Variants in DDX3X observed in about 807,000 individuals in gnomAD.
The protein encoded by DDX3X is ATP-dependent RNA helicase DDX3X.
Under a neutral mutation model 52.7 loss-of-function variants are expected in DDX3X, and 4 were observed. The observed-to-expected ratio is 0.08, with a 90% CI of 0.04 to 0.17. The LOEUF (loss-of-function observed/expected upper bound fraction) is 0.17, where lower values mean the gene tolerates loss of function less well. Ranked by LOEUF, DDX3X falls within the 10% of genes least tolerant of loss-of-function variation. DDX3X has a pLI of 1.00. For synonymous variants in DDX3X, 192 were observed against 178.1 expected (o/e 1.08, Z -0.62); for missense variants, 222 against 548.6 (o/e 0.40, Z 5.95).
In DDX3X at chrX:41,342,586, C is replaced by T; in HGVS notation, c.376C>T (p.Arg126Cys). The change falls in exon 5 of 17, where the codon CGC becomes TGC. Residue 126 changes from arginine (R) to cysteine (C), a missense_variant. Arg to Cys is a radical substitution (Grantham distance 180). Coordinates refer to ENST00000644876, the MANE Select transcript of DDX3X (RefSeq NM_001356.5). Reference protein sequence around the residue: ...FGKFERGGNSRWCDKSDEDDW... With the variant: ...FGKFERGGNSCWCDKSDEDDW... ...CAAATTTGAACGTGGTGGAAACAGT[C>T]GCTGGTGTGACAAATCAGATGAAGA... The T allele has an allele frequency of 8.3e-7, 1 of 1,211,704 alleles. No individual in the cohort carries two copies. Among genetic ancestry groups the T allele is most frequent in the Non-Finnish European group, 1.1e-6 (1 of 895,438 alleles).
chrX:41,340,029 C>G (rs2063827449), intron 3 of DDX3X: 1 of 108,959 alleles, frequency 9.2e-6, no homozygotes, highest in Admixed American at 9.8e-5. Context: ...CTGCCTCAGC[C>G]TCCCAAGTAG....
chrX:41,336,943 G>A (rs1413049670), intron 1 of DDX3X, among the ~76,000 whole-genome samples: 1 of 111,819 alleles, frequency 8.9e-6, no homozygotes, highest in East Asian at 2.8e-4. Context: ...ACATTTTTCA[G>A]GTGTGCATTT....
At chrX:41,361,869 C>T (rs936403626) in intron 5 of DDX3X, among the ~76,000 whole-genome samples, 18 of 111,373 alleles carry the variant, frequency 1.6e-4, no homozygotes, top group Non-Finnish European at 2.8e-4. Flanking sequence ...GCAAGAGATA[C>T]TTGTACTTTC....
chrX:41,340,599 GAGA>G (rs1376335866), intron 3 of DDX3X: 1 of 264,115 alleles, frequency 3.8e-6, no homozygotes, highest in East Asian at 5.3e-5. Flanking sequence ...TGTCTATACT[GAGA>G]ATATATAGTG....
At chrX:41,340,487 G>GTTAAACCCTCTACCTGTCT (rs1332915326) in intron 3 of DDX3X, 1 of 176,092 alleles carries the variant, frequency 5.7e-6, no homozygotes, top group Non-Finnish European at 1.1e-5. Flanking sequence ...GCTGAAGCTA[G>GTTAAACCCTCTACCTGTCT]TTAAACCCTC....
intron 2 of DDX3X, chrX:41,338,381 A>T (rs2063801501): frequency 8.9e-6 from 1 of 112,008 alleles, no homozygotes; most frequent in Non-Finnish European, 1.9e-5. Context: ...TTTTAAAAAT[A>T]TTTAATTCAG....
chrX:41,356,926 ATTCT>A (rs1194891344), intron 5 of DDX3X, among the ~76,000 whole-genome samples: 4 of 86,384 alleles, frequency 4.6e-5, no homozygotes, highest in African/African-American at 1.8e-4. Flanking sequence ...TATCACACTA[ATTCT>A]TTTTTTTTTT....
intron 2 of DDX3X, 135 bp downstream of exon 2, chrX:41,337,600 A>G (rs1337255479): frequency 1.9e-5 from 9 of 475,581 alleles, no homozygotes; most frequent in African/African-American, 4.9e-5. Context: ...TTTGTGTTAT[A>G]GAATTATGTA....
In DDX3X at chrX:41,346,899, T is replaced by C; in HGVS notation, c.1656T>C (p.Ile552=). The C allele has an allele frequency of 3.3e-6, 4 of 1,210,506 alleles. No individual in the cohort carries two copies. The highest frequency in any genetic ancestry group is 4.5e-6 in the Non-Finnish European group (4 of 894,576). The change falls in exon 15 of 17, where the codon ATT becomes ATC. Residue 552 remains isoleucine (I), a synonymous_variant. Transcript: ENST00000644876. The part of the protein sequence containing the change: ...TSFFNERNIN[I]TKDLLDLLVE... Reference sequence around the variant, plus strand: ...TCTTTAACGAGAGGAACATAAATATTACTAAGGATTTGTTGGATCTTCTTG... The same window carrying C: ...TCTTTAACGAGAGGAACATAAATATCACTAAGGATTTGTTGGATCTTCTTG...
intron 4 of DDX3X, 107 bp from the exon 5 acceptor site, chrX:41,342,388 C>T: frequency 1.1e-6 from 1 of 901,266 alleles, no homozygotes; most frequent in East Asian, 3.2e-5. Flanking sequence ...TGTTGACATC[C>T]TTATGGTTAG....
downstream of DDX3X, among the ~76,000 whole-genome samples, chrX:41,352,453 A>G (rs1462052914): frequency 1.8e-5 from 2 of 111,241 alleles, no homozygotes; most frequent in Non-Finnish European, 3.8e-5. Context: ...TTTACCTAAC[A>G]GTCAACATTA....
chrX:41,343,451 T>C, intron 7 of DDX3X, 100 bp downstream of exon 7: 1 of 770,102 alleles, frequency 1.3e-6, no homozygotes, highest in Non-Finnish European at 1.8e-6. Context: ...TTGCAGCTGC[T>C]CTGCGCTGCT....
downstream of DDX3X, among the ~76,000 whole-genome samples, chrX:41,352,577 T>A (rs1024710630): frequency 1.6e-4 from 18 of 111,591 alleles, no homozygotes; most frequent in African/African-American, 5.5e-4. Flanking sequence ...ATTTGGTGTC[T>A]GCTTGAGTAT....
chrX:41,337,336 G>C (rs2063785555), intron 1 of DDX3X, 72 bp from the exon 2 acceptor site: 14 of 949,803 alleles, frequency 1.5e-5, no homozygotes, highest in Non-Finnish European at 2.1e-5. Flanking sequence ...GCAAATGCTA[G>C]AGGGCAGGAC....
chrX:41,333,433 TCTCCTCCCCTTCCCTCTGTTCTCTCCTC>T (rs1356393144), upstream of DDX3X: 1 of 89,889 alleles, frequency 1.1e-5, no homozygotes, highest in African/African-American at 4.3e-5. Flanking sequence ...TTTCCCTCCC[TCTCCTCCCCTTCCCTCTGTTCTCTCCTC>T]CTCTTCCCCT....
At chrX:41,338,999 C>G (rs1395228488) in intron 2 of DDX3X, 37 bp from the exon 3 acceptor site, 3 of 660,742 alleles carry the variant, frequency 4.5e-6, no homozygotes, top group Non-Finnish European at 6.1e-6. Flanking sequence ...GGTTTTTTGG[C>G]ATTTAATTAA....
At chrX:41,345,629 G>T in intron 12 of DDX3X, 81 bp downstream of exon 12, 1 of 851,678 alleles carries the variant, frequency 1.2e-6, no homozygotes, top group Non-Finnish European at 1.7e-6. Context: ...GTTATTCACA[G>T]GTGTGATCTC....
rs1467963166 is a variant in DDX3X, at chrX:41,341,384, A to G, written c.152-100A>G. 4.6e-6 allele frequency: 3 copies of G among 652,401 alleles called. No individual in the cohort carries two copies. The African/African-American group carries it at 6.7e-5, about 15-fold the overall frequency. The allele number at this position is 652,401 out of a possible 1,213,427, so 53.8% of individuals were successfully genotyped here. A position where few individuals can be genotyped will look rare whatever the true frequency, so the allele number is the denominator to read the frequency against. ...TCTCTTACAGTGCCATGGTAGGGAT[A>G]GTCAGTGGAGGCTTTCAAATTCAGA... On this transcript the variant is annotated intron_variant, in intron 3 of 16. Coordinates refer to ENST00000644876, the MANE Select transcript of DDX3X (RefSeq NM_001356.5).
intron 1 of DDX3X, 171 bp downstream of exon 1, chrX:41,334,468 CTGTCG>C (rs2063726279): frequency 2.4e-5 from 26 of 1,101,133 alleles, no homozygotes; most frequent in Admixed American, 1.3e-4. Flanking sequence ...TTGGTTGGGG[CTGTCG>C]CCCGGGCCCG....
Sources: allele counts gnomAD v4.1 joint callset (sites outside exome capture counted in the v4.1 genomes callset), GRCh38; gene constraint gnomAD v4.1.1; transcripts MANE v1.5; gene names NCBI Gene and HGNC (gene_info 2026-07-23, HGNC 2026-07-21).